Variants in CCSER1 observed in about 807,000 individuals in gnomAD.
CCSER1 encodes serine-rich coiled-coil domain-containing protein 1.
In CCSER1, 41 loss-of-function variants were observed where a neutral mutation model predicts 82.0. That is an observed-to-expected ratio of 0.50 (90% confidence interval 0.39 to 0.65). CCSER1 has a LOEUF of 0.65. CCSER1 is among the 30% of genes least tolerant of loss of function. The pLI, the probability that CCSER1 is intolerant of heterozygous loss-of-function variation, is 0.00. For missense variants in CCSER1, 1,119 were observed against 1,064.2 expected (o/e 1.05, Z -0.72); for synonymous variants, 414 against 383.9 (o/e 1.08, Z -0.92).
intron 10 of CCSER1, among the ~76,000 whole-genome samples, chr4:91,183,834 C>T (rs146930243): frequency 0.014 from 2,093 of 152,124 alleles, 32 homozygotes; most frequent in African/African-American, 0.038. Context: ...TGTTAATTGC[C>T]GAGGGCTAGT....
intron 10 of CCSER1, among the ~76,000 whole-genome samples, chr4:91,365,340 A>G (rs976653804): frequency 2.0e-5 from 3 of 152,196 alleles, no homozygotes; most frequent in African/African-American, 7.2e-5. Context: ...AAAGGATTCT[A>G]TATCATGAAA....
At chr4:91,524,116 G>T (rs1015946932) in intron 10 of CCSER1, among the ~76,000 whole-genome samples, 2 of 152,052 alleles carry the variant, frequency 1.3e-5, no homozygotes, top group African/African-American at 4.8e-5. Flanking sequence ...TCATCCACTT[G>T]GTAATTTGTT....
chr4:91,358,340 T>C (rs537289236), intron 10 of CCSER1, among the ~76,000 whole-genome samples: 1 of 151,562 alleles, frequency 6.6e-6, no homozygotes. Flanking sequence ...TGAATTTTTT[T>C]TTTTTTAACA....
chr4:91,034,676 C>A (rs1455633544), intron 9 of CCSER1, among the ~76,000 whole-genome samples: 2 of 152,108 alleles, frequency 1.3e-5, no homozygotes, highest in African/African-American at 4.8e-5. Flanking sequence ...TCATTTATAT[C>A]ACTCTAGTTT....
intron 1 of CCSER1, among the ~76,000 whole-genome samples, chr4:90,279,628 TTG>T (rs1237616654): frequency 6.6e-6 from 1 of 152,028 alleles, no homozygotes; most frequent in Non-Finnish European, 1.5e-5. Context: ...TTTTTTCTCA[TTG>T]TGTGCAAGTA....
intron 9 of CCSER1, among the ~76,000 whole-genome samples, chr4:91,082,013 C>T (rs1722817248): frequency 6.6e-6 from 1 of 152,110 alleles, no homozygotes; most frequent in African/African-American, 2.4e-5. Context: ...GATTCAATGC[C>T]ATCCCCATCA....
chr4:91,468,703 T>C (rs2149441316), intron 10 of CCSER1, among the ~76,000 whole-genome samples: 1 of 152,092 alleles, frequency 6.6e-6, no homozygotes, highest in East Asian at 1.9e-4. Flanking sequence ...ATCATAAAAA[T>C]TATTAAAATA....
chr4:91,149,688 T>C (rs1729942998), intron 10 of CCSER1, among the ~76,000 whole-genome samples: 1 of 152,230 alleles, frequency 6.6e-6, no homozygotes, highest in Non-Finnish European at 1.5e-5. Flanking sequence ...GTTTCAGCTT[T>C]CTGCATATGA....
intron 7 of CCSER1, among the ~76,000 whole-genome samples, chr4:90,806,614 G>A (rs962017940): frequency 6.6e-6 from 1 of 152,090 alleles, no homozygotes; most frequent in Non-Finnish European, 1.5e-5. Flanking sequence ...TCAAGGGTCA[G>A]CCTCAGCTCT....
At chr4:91,521,611 TG>T (rs1212234658) in intron 10 of CCSER1, among the ~76,000 whole-genome samples, 1 of 152,242 alleles carries the variant, frequency 6.6e-6, no homozygotes, top group Non-Finnish European at 1.5e-5. Flanking sequence ...GGTTTTGATT[TG>T]CATTTCTCTG....
At chr4:91,457,136 G>A (rs901903947) in intron 10 of CCSER1, among the ~76,000 whole-genome samples, 23 of 152,060 alleles carry the variant, frequency 1.5e-4, no homozygotes, top group African/African-American at 2.2e-4. Context: ...ATGGCTACAC[G>A]TCTCCCATTT....
intron 10 of CCSER1, among the ~76,000 whole-genome samples, chr4:91,338,690 A>C (rs943490314): frequency 5.9e-5 from 9 of 152,304 alleles, no homozygotes; most frequent in Non-Finnish European, 1.0e-4. Flanking sequence ...TTAGAAAACA[A>C]ATTATGCACA....
In CCSER1 at chr4:91,208,558, G is replaced by A. The variant is rs540461319; in HGVS notation, c.2217+122564G>A. 2.0e-5 allele frequency among the ~76,000 whole-genome samples: 3 copies of A among 151,580 alleles called. No individual in the cohort carries two copies. In the South Asian group the frequency reaches 6.2e-4, roughly 32 times the overall value. On this transcript the variant is annotated intron_variant, in intron 10 of 10. Transcript: ENST00000509176. ...TTGTAGGTATGTGGCTTTATTTTTG[G>A]GCTCTCCATTTTGTTCCATTCATCT...
At chr4:91,375,823 A>G (rs1310462653) in intron 10 of CCSER1, among the ~76,000 whole-genome samples, 1 of 150,920 alleles carries the variant, frequency 6.6e-6, no homozygotes, top group Non-Finnish European at 1.5e-5. Context: ...ATTACTCAAA[A>G]GTCTAGAAAG....
intron 10 of CCSER1, among the ~76,000 whole-genome samples, chr4:91,402,881 C>CT (rs1301154293): frequency 1.3e-5 from 2 of 152,272 alleles, no homozygotes; most frequent in South Asian, 2.1e-4. Context: ...AATGAGTGCT[C>CT]TTTTTTGGTT....
At chr4:91,116,125 G>A (rs1473144346) in intron 10 of CCSER1, among the ~76,000 whole-genome samples, 1 of 151,678 alleles carries the variant, frequency 6.6e-6, no homozygotes, top group Non-Finnish European at 1.5e-5. Flanking sequence ...TTGCCCTTGC[G>A]ACAGTTTGCT....
chr4:90,641,819 T>C (rs1457490437), intron 6 of CCSER1: 1 of 198,570 alleles, frequency 5.0e-6, no homozygotes, highest in African/African-American at 2.3e-5. Flanking sequence ...CCCACAGTTT[T>C]AACAATAATG....
At chr4:90,930,838 A>C (rs555237733) in intron 9 of CCSER1, among the ~76,000 whole-genome samples, 4 of 149,610 alleles carry the variant, frequency 2.7e-5, no homozygotes, top group South Asian at 4.2e-4. Context: ...ATTTATTTCT[A>C]TCAAAAACAT....
intron 8 of CCSER1, among the ~76,000 whole-genome samples, chr4:90,849,662 G>A (rs190236143): frequency 5.9e-4 from 90 of 151,754 alleles, no homozygotes; most frequent in African/African-American, 1.9e-3. Flanking sequence ...GGTGGCAGGC[G>A]CCTGTAGTCC....
Sources: allele counts gnomAD v4.1 joint callset (sites outside exome capture counted in the v4.1 genomes callset), GRCh38; gene constraint gnomAD v4.1.1; transcripts MANE v1.5; gene names NCBI Gene and HGNC (gene_info 2026-07-23, HGNC 2026-07-21).